NUP210: variants seen among roughly 807,000 people sequenced by gnomAD.
NUP210 encodes the protein nucleoporin 210.
A neutral mutation model predicts 196.0 loss-of-function variants in NUP210; 151 were observed. The ratio of observed to expected loss-of-function variants is 0.77; its 90% CI spans 0.67 to 0.88. NUP210 has a LOEUF of 0.88. Ranked by LOEUF, NUP210 falls within the 40% of genes least tolerant of loss-of-function variation. The probability of loss-of-function intolerance (pLI) is 0.00; values close to 1 mark genes in which losing one functional copy is unlikely to be tolerated. For synonymous variants in NUP210, 1,070 were observed against 1,052.7 expected, an observed-to-expected ratio of 1.02 and a Z score of -0.32; for missense variants, 2,314 against 2,493.7, an observed-to-expected ratio of 0.93 and a Z score of 1.53.
intron 1 of NUP210, 108 bp downstream of exon 1, chr3:13,419,952 G>T: frequency 1.5e-6 from 1 of 666,614 alleles, no homozygotes; most frequent in Non-Finnish European, 1.9e-6. Flanking sequence ...CAGCGAGAGC[G>T]CGCCGCGCAC....
At chr3:13,328,440 G>C (rs2124839516) in intron 31 of NUP210, among the ~76,000 whole-genome samples, 1 of 152,354 alleles carries the variant, frequency 6.6e-6, no homozygotes, top group East Asian at 1.9e-4. Context: ...TTCAGCAACA[G>C]GGAAACACAA....
At chr3:13,319,043 C>T (rs1363454417) in intron 39 of NUP210, 29 bp downstream of exon 39, 1 of 1,577,916 alleles carries the variant, frequency 6.3e-7, no homozygotes, top group South Asian at 1.2e-5. Flanking sequence ...GCAGCTCTGC[C>T]TGGTTGTGCC....
intron 6 of NUP210, among the ~76,000 whole-genome samples, chr3:13,381,910 G>A (rs1308662285): frequency 6.6e-6 from 1 of 152,136 alleles, no homozygotes; most frequent in African/African-American, 2.4e-5. Flanking sequence ...AGCTCCTGCG[G>A]AGCTGGGTCT....
chr3:13,334,083 G>A (rs979036654), intron 28 of NUP210, among the ~76,000 whole-genome samples: 2 of 152,092 alleles, frequency 1.3e-5, no homozygotes, highest in Non-Finnish European at 2.9e-5. Context: ...ATTTTTACCT[G>A]GAATCTTCCT....
In NUP210 at chr3:13,322,346, A is replaced by G. The variant is rs1347169869; in HGVS notation, c.4769-7T>C. 1.2e-6 allele frequency: 2 copies of G among 1,614,026 alleles called. No homozygotes were observed. Among genetic ancestry groups the G allele is most frequent in the Non-Finnish European group, 1.7e-6 (2 of 1,179,976 alleles). The stretch of plus-strand genomic sequence containing the variant: ...TGGGTGGGGGTGCACTCGCCTAGAG[A>G]GGGGAGAGACGAGAGGGTGTGGGCC... On this transcript the variant is annotated splice_polypyrimidine_tract_variant and splice_region_variant and intron_variant, in intron 34 of 39. Transcript: ENST00000254508.
rs1240569826 is a variant in NUP210, at chr3:13,323,208, G to C, written c.4768+101C>G. 8 of 1,446,986 alleles carry C rather than the reference G, an allele frequency of 5.5e-6. No homozygotes were observed. The Admixed American group carries it at 1.5e-4, about 27-fold the overall frequency. 89.6% of individuals were successfully genotyped at this position (1,446,986 alleles called of 1,614,324 possible). A position where few individuals can be genotyped will look rare whatever the true frequency, so the allele number is the denominator to read the frequency against. ...AATGCCCTCTCTGGAGTTGGTGTGA[G>C]TGTGAATAGGAGAAGCAGATAAACT... On this transcript the variant is annotated intron_variant, in intron 34 of 39. Coordinates refer to ENST00000254508, the MANE Select transcript of NUP210 (RefSeq NM_024923.4). The surrounding 1 kb of genome is among the most constrained non-coding windows in gnomAD (Gnocchi z 4.3).
At chr3:13,404,599 G>A (rs572267792) in intron 1 of NUP210, among the ~76,000 whole-genome samples, 4 of 152,274 alleles carry the variant, frequency 2.6e-5, no homozygotes, top group South Asian at 2.1e-4. Flanking sequence ...TTAGGAAAAC[G>A]GGACTGGTTT....
intron 1 of NUP210, among the ~76,000 whole-genome samples, chr3:13,406,432 C>T (rs1355494858): frequency 6.6e-6 from 1 of 152,202 alleles, no homozygotes. Context: ...CCAGTACAGG[C>T]TCTGGGCCAT....
At position 13,343,313 on chromosome 3, in the gene NUP210, T is replaced by TGGG; in HGVS notation, c.2836-13_2836-11dup. ...GGAGCAAAGGGTGCACCTGCAAGGT[T>TGGG]GGGGCGGAGGTGGAGGGGTGGGTGG... On this transcript the variant is annotated splice_polypyrimidine_tract_variant and intron_variant, in intron 20 of 39. Coordinates refer to ENST00000254508, the MANE Select transcript of NUP210 (RefSeq NM_024923.4). 4.8e-6 allele frequency: 1 copy of TGGG among 210,166 alleles called. No individual in the cohort carries two copies. 13.0% of individuals were successfully genotyped at this position (210,166 alleles called of 1,614,324 possible). A position where few individuals can be genotyped will look rare whatever the true frequency, so the allele number is the denominator to read the frequency against.
intron 1 of NUP210, among the ~76,000 whole-genome samples, chr3:13,417,825 G>A (rs1426377168): frequency 6.6e-6 from 1 of 152,142 alleles, no homozygotes; most frequent in Non-Finnish European, 1.5e-5. Flanking sequence ...TGATGCATCA[G>A]AGATTAAGAA....
chr3:13,323,493 G>A lies in NUP210; in HGVS notation c.4645-61C>T, dbSNP rs936362500. Reference sequence around the variant, plus strand: ...GCCTGTGTCCCGGTCCATGCTGGGCGTTTCCACAACCTCACCCTGCAGTCT... The same window carrying A: ...GCCTGTGTCCCGGTCCATGCTGGGCATTTCCACAACCTCACCCTGCAGTCT... On this transcript the variant is annotated intron_variant, in intron 33 of 39. Transcript: ENST00000254508. This position sits in a 1 kb window ranked among gnomAD's most constrained non-coding sequence, Gnocchi z 4.3. 90 of 1,588,818 alleles carry A rather than the reference G, an allele frequency of 5.7e-5. No individual in the cohort carries two copies. Among genetic ancestry groups the A allele is most frequent in the South Asian group, 1.8e-4 (16 of 89,632 alleles).
In NUP210 at chr3:13,379,584, T is replaced by G; in HGVS notation, c.955A>C (p.Ser319Arg). 1 of 1,614,170 alleles carries G rather than the reference T, an allele frequency of 6.2e-7. No homozygotes were observed. The highest frequency in any genetic ancestry group is 8.5e-7 in the Non-Finnish European group (1 of 1,180,032). ...MVTALQLGQSSLVLGHRSIRM... is the reference protein window; with the variant it reads ...MVTALQLGQSRLVLGHRSIRM... ...ATATTCCTGTGGCCAAGGACGAGGC[T>G]GCTCTGTCCCAGCTGCAGTGCAGTG... Residue 319 changes from serine to arginine, a missense_variant, in exon 7 of 40, where the codon AGC becomes CGC. By Grantham distance (110) the Ser-to-Arg change is moderately radical. Coordinates refer to ENST00000254508, the MANE Select transcript of NUP210 (RefSeq NM_024923.4). The surrounding 1 kb of genome is among the most constrained non-coding windows in gnomAD (Gnocchi z 4.2).
intron 1 of NUP210, among the ~76,000 whole-genome samples, chr3:13,402,520 C>G (rs1326177102): frequency 1.3e-5 from 2 of 152,144 alleles, no homozygotes; most frequent in African/African-American, 4.8e-5. Context: ...GCCTGAAATT[C>G]TCCTTGCAAA....
chr3:13,358,092 G>A, intron 16 of NUP210, 130 bp downstream of exon 16: 1 of 780,704 alleles, frequency 1.3e-6, no homozygotes, highest in Non-Finnish European at 2.0e-6. Context: ...AGGGCCAGTT[G>A]TTGAGACGAA....
At chr3:13,356,894 G>A (rs914180923) in intron 16 of NUP210, among the ~76,000 whole-genome samples, 5 of 152,242 alleles carry the variant, frequency 3.3e-5, no homozygotes. Context: ...GACAGACCAG[G>A]ACCAATCCAG....
rs141627234 is a variant in NUP210, at chr3:13,385,510, C to G, written c.817+765G>C. Among the ~76,000 whole-genome samples, 3 of 152,350 alleles carry G rather than the reference C, an allele frequency of 2.0e-5. No individual in the cohort carries two copies. In the East Asian group the frequency reaches 5.8e-4, roughly 29 times the overall value. ...CAGTACAACTACACTCCTATTGATTCATTTTGTCCTCACAGCCCAGGCAGA... is the reference window on the plus strand; with the variant it reads ...CAGTACAACTACACTCCTATTGATTGATTTTGTCCTCACAGCCCAGGCAGA... On this transcript the variant is annotated intron_variant, in intron 6 of 39. Coordinates refer to ENST00000254508, the MANE Select transcript of NUP210 (RefSeq NM_024923.4).
chr3:13,345,088 A>C, intron 20 of NUP210: 1 of 985,452 alleles, frequency 1.0e-6, no homozygotes, highest in Non-Finnish European at 1.2e-6. Flanking sequence ...GGTACAGCCT[A>C]GCCTCCTACG....
intron 13 of NUP210, among the ~76,000 whole-genome samples, chr3:13,370,150 A>C (rs1391115640): frequency 2.0e-5 from 3 of 152,086 alleles, no homozygotes; most frequent in Admixed American, 2.0e-4. Flanking sequence ...GACAGAGCCC[A>C]GGTTTCTAAG....
intron 14 of NUP210, among the ~76,000 whole-genome samples, chr3:13,363,897 C>T (rs1698447317): frequency 6.6e-6 from 1 of 152,150 alleles, no homozygotes; most frequent in African/African-American, 2.4e-5. Flanking sequence ...TAATCCAGAG[C>T]CAGGAGGGGC....
Sources: gnomAD v4.1 joint callset for allele counts (sites outside exome capture counted in the v4.1 genomes callset) on GRCh38, gnomAD v4.1.1 for gene constraint, Gnocchi (gnomAD v3.1) non-coding constraint, MANE v1.5 for transcripts, NCBI Gene and HGNC (gene_info 2026-07-23, HGNC 2026-07-21) for gene names.